The following FRY variants were observed in gnomAD, a reference collection of about 807,000 sequenced individuals.
FRY encodes the protein FRY microtubule binding protein.
In FRY, 128 loss-of-function variants were observed where a neutral mutation model predicts 348.4. That is an observed-to-expected ratio of 0.37 (90% confidence interval 0.32 to 0.43). FRY has a LOEUF of 0.43. Ranked by LOEUF, FRY falls within the 20% of genes least tolerant of loss-of-function variation. The pLI is 1.00. For missense variants in FRY, 2,736 were observed against 3,695.2 expected, an observed-to-expected ratio of 0.74 and a Z score of 6.73; for synonymous variants, 1,370 against 1,374.7, an observed-to-expected ratio of 1.00 and a Z score of 0.08.
rs186295525 is a variant in FRY at position 32,157,391 on chromosome 13, G to A, written c.1770G>A (p.Pro590=). ...ATGTACAGATGTTAAACAAAGAACC[G>A]GAAGACATGATCACGTGAGTACAGT... ...LTNVQMLNKE[P]EDMITGERKP... The change falls in exon 16 of 61, where the codon CCG becomes CCA. Residue 590 remains proline (P), a synonymous_variant. Transcript: ENST00000542859. The A allele has an allele frequency of 5.3e-4, 855 of 1,613,388 alleles. 1 individual carries two copies. The highest frequency in any genetic ancestry group is 6.8e-4 in the Non-Finnish European group (800 of 1,179,548).
At chr13:32,196,994 T>A (rs1481382188) in intron 29 of FRY, among the ~76,000 whole-genome samples, 1 of 152,222 alleles carries the variant, frequency 6.6e-6, no homozygotes, top group Non-Finnish European at 1.5e-5. Context: ...TAAATCAAGG[T>A]AAATTGTGTA....
chr13:32,137,012 T>A (rs769107233), intron 11 of FRY, 40 bp downstream of exon 11: 1 of 1,139,066 alleles, frequency 8.8e-7, no homozygotes, highest in East Asian at 2.3e-5. Context: ...CTTTAAAAAA[T>A]TTACAGTAGT....
At position 32,294,419 on chromosome 13, in the gene FRY, G is replaced by A. The variant is rs1225258709; in HGVS notation, c.8632G>A (p.Ala2878Thr). The part of the protein sequence containing the change: ...LSDLKKHLKE[A>T]SAVIAADPLY... The stretch of plus-strand genomic sequence containing the variant: ...TGACCTAAAGAAACACCTGAAGGAA[G>A]CCAGTGCAGTCATTGCAGCTGACCC... The change falls in exon 60 of 61, where the codon GCC becomes ACC. Residue 2878 changes from alanine (A) to threonine (T), a missense_variant. This residue lies in a region of FRY where 157 missense variants were observed against 215.2 expected (regional missense o/e 0.73). Coordinates refer to ENST00000542859, the MANE Select transcript of FRY (RefSeq NM_023037.3). 5.6e-6 allele frequency: 9 copies of A among 1,613,948 alleles called. No individual in the cohort carries two copies. The highest frequency in any genetic ancestry group is 1.7e-5 in the Admixed American group (1 of 60,000).
At chr13:32,143,295 A>G (rs1216461647) in intron 11 of FRY, among the ~76,000 whole-genome samples, 1 of 152,242 alleles carries the variant, frequency 6.6e-6, no homozygotes, top group East Asian at 1.9e-4. Flanking sequence ...TTTAGGAGGC[A>G]GTTGCAATGA....
intron 2 of FRY, among the ~76,000 whole-genome samples, chr13:32,081,877 A>G (rs1875521450): frequency 6.6e-6 from 1 of 152,190 alleles, no homozygotes; most frequent in Admixed American, 6.5e-5. Flanking sequence ...AATTCTATTA[A>G]ATGTCCTCTA....
intron 58 of FRY, among the ~76,000 whole-genome samples, chr13:32,285,699 A>G (rs1297604220): frequency 1.3e-5 from 2 of 152,158 alleles, no homozygotes; most frequent in African/African-American, 2.4e-5. Context: ...TTCATTTCAC[A>G]CTTCTGAAAA....
chr13:32,268,505 AATAT>A (rs869298149), intron 55 of FRY, among the ~76,000 whole-genome samples: 1,153 of 27,624 alleles, frequency 0.042, 15 homozygotes, highest in Admixed American at 0.058. Context: ...AAAAAAAAAA[AATAT>A]ATATATATAT....
At chr13:32,174,260 T>C (rs190030109) in intron 19 of FRY, among the ~76,000 whole-genome samples, 86 of 152,362 alleles carry the variant, frequency 5.6e-4, no homozygotes, top group Admixed American at 2.5e-3. Context: ...ACACTTGACA[T>C]AGTCACTGTC....
At chr13:32,051,089 G>T (rs544678488) in intron 1 of FRY, among the ~76,000 whole-genome samples, 1 of 152,144 alleles carries the variant, frequency 6.6e-6, no homozygotes, top group Non-Finnish European at 1.5e-5. Flanking sequence ...TGGTTATACA[G>T]CCATAAAACT....
intron 3 of FRY, among the ~76,000 whole-genome samples, chr13:32,113,032 G>T (rs1878068579): frequency 6.6e-6 from 1 of 152,130 alleles, no homozygotes. Context: ...AATATTTAAT[G>T]TATAGATTTT....
intron 36 of FRY, among the ~76,000 whole-genome samples, chr13:32,223,223 G>T (rs1396436400): frequency 2.0e-5 from 3 of 152,118 alleles, no homozygotes; most frequent in Non-Finnish European, 4.4e-5. Flanking sequence ...CTTCCAAAGT[G>T]CTAGGATTAC....
rs549760152 is a variant in FRY at position 32,186,020 on chromosome 13, A to G, written c.3320-240A>G. Among the ~76,000 whole-genome samples the G allele has an allele frequency of 3.9e-5, 6 of 152,254 alleles. No individual in the cohort carries two copies. The South Asian group carries it at 8.3e-4, about 21-fold the overall frequency. Reference sequence around the variant, plus strand: ...TTAGAAAAAAATCTCTGCAGGTCCTATTTTTGATCTTTCTTTCCCACTCTG... The same window carrying G: ...TTAGAAAAAAATCTCTGCAGGTCCTGTTTTTGATCTTTCTTTCCCACTCTG... On this transcript the variant is annotated intron_variant, in intron 26 of 60. Transcript: ENST00000542859.
At position 32,155,673 on chromosome 13, in the gene FRY, G is replaced by A. The variant is rs777871628; in HGVS notation, c.1651+11G>A. 18 of 1,603,442 alleles carry A rather than the reference G, an allele frequency of 1.1e-5. No homozygotes were observed. The East Asian group carries it at 3.6e-4, about 32-fold the overall frequency. ...AAGCCAAAATGATAGGTGAGTTTCA[G>A]AAGTGCATAAGAACTAAGCCTTATT... is the stretch of plus-strand genomic sequence containing the variant. On this transcript the variant is annotated intron_variant, in intron 15 of 60. Coordinates refer to ENST00000542859, the MANE Select transcript of FRY (RefSeq NM_023037.3).
At chr13:32,074,055 G>A (rs1449551875) in intron 1 of FRY, among the ~76,000 whole-genome samples, 1 of 152,158 alleles carries the variant, frequency 6.6e-6, no homozygotes, top group African/African-American at 2.4e-5. Context: ...AAAATAGTCA[G>A]TCATGTTCAA....
At chr13:32,275,110 G>A in intron 56 of FRY, 119 bp downstream of exon 56, 1 of 891,066 alleles carries the variant, frequency 1.1e-6, no homozygotes, top group Non-Finnish European at 1.8e-6. Context: ...CGGGTGCGGT[G>A]GCTCAAGCCT....
intron 54 of FRY, among the ~76,000 whole-genome samples, chr13:32,265,922 G>T (rs970517307): frequency 5.3e-5 from 8 of 152,160 alleles, no homozygotes; most frequent in Non-Finnish European, 8.8e-5. Context: ...GCAACACTTG[G>T]CAAGCCTTGG....
At position 32,093,780 on chromosome 13, in the gene FRY, T is replaced by C. The variant is rs79830400; in HGVS notation, c.271-8183T>C. Among the ~76,000 whole-genome samples, 22 of 152,322 alleles carry C rather than the reference T, an allele frequency of 1.4e-4. No individual in the cohort carries two copies. The East Asian group carries it at 4.1e-3, about 28-fold the overall frequency. On this transcript the variant is annotated intron_variant, in intron 2 of 60. Transcript: ENST00000542859. ...CTGGGGCATCTGGTCAGACCTAAGG[T>C]CTTCAGCTTTAGCCAGCTAAGAACT...
intron 51 of FRY, among the ~76,000 whole-genome samples, chr13:32,261,229 A>G (rs1393114464): frequency 6.6e-6 from 1 of 152,194 alleles, no homozygotes; most frequent in Non-Finnish European, 1.5e-5. Flanking sequence ...ACAGTACTAA[A>G]CAGGGGCCGA....
chr13:32,247,533 C>T lies in FRY; in HGVS notation c.7008+31C>T, dbSNP rs377358158. The T allele has an allele frequency of 1.0e-4, 157 of 1,531,770 alleles. No homozygotes were observed. The Middle Eastern group carries it at 3.4e-3, about 33-fold the overall frequency. The allele number at this position is 1,531,770 out of a possible 1,614,324, so 94.9% of individuals were successfully genotyped here. On this transcript the variant is annotated intron_variant, in intron 48 of 60. Transcript: ENST00000542859. ...TAGCTATGTTAACTATTTCTGTGAA[C>T]TTTAGCATGAATTTGTAGTAGCAAA...
Sources: allele counts gnomAD v4.1 joint callset (sites outside exome capture counted in the v4.1 genomes callset), GRCh38; gene constraint gnomAD v4.1.1; regional missense constraint gnomAD v4.1.1; transcripts MANE v1.5; gene names NCBI Gene and HGNC (gene_info 2026-07-23, HGNC 2026-07-21).